The following CMTM7 variants were observed in gnomAD, a reference collection of about 807,000 sequenced individuals.
The protein encoded by CMTM7 is CKLF like MARVEL transmembrane domain containing 7, also known as CKLF-like MARVEL transmembrane domain-containing protein 7.
A neutral mutation model predicts 19.3 loss-of-function variants in CMTM7; 7 were observed. The ratio of observed to expected loss-of-function variants is 0.36; its 90% CI spans 0.21 to 0.68. The LOEUF (loss-of-function observed/expected upper bound fraction) is 0.68, where lower values mean the gene tolerates loss of function less well. Ranked by LOEUF, CMTM7 falls within the 30% of genes least tolerant of loss-of-function variation. The pLI, the probability that CMTM7 is intolerant of heterozygous loss-of-function variation, is 0.60. For synonymous variants in CMTM7, 87 were observed against 99.3 expected, an observed-to-expected ratio of 0.88 and a Z score of 0.74; for missense variants, 193 against 232.6, an observed-to-expected ratio of 0.83 and a Z score of 1.11.
intron 1 of CMTM7, among the ~76,000 whole-genome samples, chr3:32,419,411 T>G (rs957612996): frequency 1.6e-4 from 24 of 152,338 alleles, no homozygotes; most frequent in African/African-American, 5.5e-4. Flanking sequence ...TCCAGCAGTA[T>G]AAGAATGTGA....
rs560049721 is a variant in CMTM7 at position 32,438,629 on chromosome 3, G to A, written c.160-3211G>A. Among the ~76,000 whole-genome samples, 8 of 152,318 alleles carry A rather than the reference G, an allele frequency of 5.3e-5. No individual in the cohort carries two copies. The East Asian group carries it at 1.5e-3, about 29-fold the overall frequency. On this transcript the variant is annotated intron_variant, in intron 1 of 4. Coordinates refer to ENST00000334983, the MANE Select transcript of CMTM7 (RefSeq NM_138410.4). The stretch of plus-strand genomic sequence containing the variant: ...GCTAAATTAGATTTTCTAAAATTGG[G>A]CTTTCCTAAAGAAAGTCATATGGTA...
At chr3:32,445,643 G>A (rs1056527530) in intron 2 of CMTM7, among the ~76,000 whole-genome samples, 12 of 152,124 alleles carry the variant, frequency 7.9e-5, no homozygotes, top group African/African-American at 2.7e-4. Flanking sequence ...CTCTTGAGTA[G>A]CTGGGACCAC....
intron 1 of CMTM7, among the ~76,000 whole-genome samples, chr3:32,394,304 G>A (rs1695883530): frequency 6.8e-6 from 1 of 146,654 alleles, no homozygotes; most frequent in African/African-American, 2.7e-5. Context: ...GGCAGAAGCA[G>A]CTAAATTAAT....
chr3:32,431,242 G>A (rs6796958), intron 1 of CMTM7, among the ~76,000 whole-genome samples: 19,363 of 152,188 alleles, frequency 0.13, 1,419 homozygotes, highest in African/African-American at 0.2. Context: ...GAAATAGTAC[G>A]TATGTGCTTG....
At chr3:32,453,543 C>T (rs1696867071) in intron 4 of CMTM7, among the ~76,000 whole-genome samples, 1 of 152,188 alleles carries the variant, frequency 6.6e-6, no homozygotes. Context: ...ATTTAACTTG[C>T]CTCCTCTTTG....
intron 1 of CMTM7, among the ~76,000 whole-genome samples, chr3:32,414,017 G>C (rs1291972431): frequency 6.6e-6 from 1 of 152,122 alleles, no homozygotes; most frequent in Non-Finnish European, 1.5e-5. Flanking sequence ...TGGTCTGCTT[G>C]CTTCAACAGA....
intron 1 of CMTM7, among the ~76,000 whole-genome samples, chr3:32,420,658 A>G (rs1195999263): frequency 6.6e-6 from 1 of 152,230 alleles, no homozygotes; most frequent in Non-Finnish European, 1.5e-5. Context: ...TGTCCACGCC[A>G]TAGTCCCACT....
At chr3:32,393,218 A>G (rs1347924178) in intron 1 of CMTM7, among the ~76,000 whole-genome samples, 2 of 152,132 alleles carry the variant, frequency 1.3e-5, no homozygotes, top group Non-Finnish European at 2.9e-5. Flanking sequence ...CTTGGGCCAG[A>G]CCTAAAGAGA....
intron 1 of CMTM7, among the ~76,000 whole-genome samples, chr3:32,393,759 G>C (rs531680029): frequency 6.7e-6 from 1 of 148,252 alleles, no homozygotes; most frequent in South Asian, 2.2e-4. Flanking sequence ...GCGTGACGGA[G>C]GGAGGCCTGT....
At chr3:32,410,208 G>C (rs1375509418) in intron 1 of CMTM7, among the ~76,000 whole-genome samples, 1 of 152,138 alleles carries the variant, frequency 6.6e-6, no homozygotes, top group African/African-American at 2.4e-5. Context: ...CACTTTGCCA[G>C]CCAGAATCCC....
At chr3:32,441,200 C>T (rs1575123826) in intron 1 of CMTM7, among the ~76,000 whole-genome samples, 1 of 152,190 alleles carries the variant, frequency 6.6e-6, no homozygotes, top group Admixed American at 6.5e-5. Context: ...GACCTGGATT[C>T]AAATCCCACT....
chr3:32,435,349 AG>A (rs1696582486), intron 1 of CMTM7, among the ~76,000 whole-genome samples: 1 of 152,260 alleles, frequency 6.6e-6, no homozygotes, highest in Admixed American at 6.5e-5. Context: ...GCTTGCAGTG[AG>A]CGGAGCTTGT....
Position 32,449,481 on chromosome 3 carries a change from C to G in CMTM7, c.361C>G (p.Leu121Val). The change falls in exon 3 of 5, where the codon CTG becomes GTG. Residue 121 changes from leucine to valine, a missense_variant. By Grantham distance (32) the Leu-to-Val change is conservative. Coordinates refer to ENST00000334983, the MANE Select transcript of CMTM7 (RefSeq NM_138410.4). The surrounding 1 kb of genome is among the most constrained non-coding windows in gnomAD (Gnocchi z 4.5). Reference protein sequence around the residue: ...SELLHYLIGTLLLLIASIVAA... With the variant: ...SELLHYLIGTVLLLIASIVAA... Reference sequence around the variant, plus strand: ...ACTTCTGCACTATTTAATCGGTACCCTGCTCCTCCTCATCGCCTCCATTGT... The same window carrying G: ...ACTTCTGCACTATTTAATCGGTACCGTGCTCCTCCTCATCGCCTCCATTGT... 6.2e-7 allele frequency: 1 copy of G among 1,614,148 alleles called. No individual in the cohort carries two copies. Among genetic ancestry groups the G allele is most frequent in the East Asian group, 2.2e-5 (1 of 44,884 alleles).
intron 1 of CMTM7, among the ~76,000 whole-genome samples, chr3:32,401,424 G>A (rs1297430798): frequency 6.6e-6 from 1 of 152,236 alleles, no homozygotes; most frequent in Non-Finnish European, 1.5e-5. Context: ...GGGTAGAGGA[G>A]GGGTTCGGGG....
intron 1 of CMTM7, among the ~76,000 whole-genome samples, chr3:32,440,841 C>G (rs1382350307): frequency 6.6e-6 from 1 of 152,206 alleles, no homozygotes; most frequent in African/African-American, 2.4e-5. Flanking sequence ...CACATTGAAT[C>G]CCGTGTGTTA....
intron 4 of CMTM7, 62 bp from the exon 5 acceptor site, chr3:32,454,179 G>C: frequency 1.3e-6 from 2 of 1,544,794 alleles, no homozygotes. Context: ...AACCTGTGGA[G>C]TGTGGCTTGT....
intron 1 of CMTM7, among the ~76,000 whole-genome samples, chr3:32,397,694 A>T (rs1695939289): frequency 6.6e-6 from 1 of 151,876 alleles, no homozygotes; most frequent in African/African-American, 2.4e-5. Context: ...AGATCGCAGC[A>T]TTGCACTCCA....
At chr3:32,406,188 C>CT (rs1696088755) in intron 1 of CMTM7, among the ~76,000 whole-genome samples, 1 of 152,190 alleles carries the variant, frequency 6.6e-6, no homozygotes, top group Non-Finnish European at 1.5e-5. Context: ...CATTCTCCTC[C>CT]TTTTTTATAG....
chr3:32,403,695 C>CT (rs1247506042), intron 1 of CMTM7, among the ~76,000 whole-genome samples: 1 of 152,076 alleles, frequency 6.6e-6, no homozygotes, highest in Non-Finnish European at 1.5e-5. Context: ...AATTTGGGGT[C>CT]TTTTTTTCAT....
Sources: allele counts gnomAD v4.1 joint callset (sites outside exome capture counted in the v4.1 genomes callset), GRCh38; gene constraint gnomAD v4.1.1; non-coding constraint Gnocchi (gnomAD v3.1); transcripts MANE v1.5; gene names NCBI Gene and HGNC (gene_info 2026-07-23, HGNC 2026-07-21).